The following GNG7 variants were observed in gnomAD, a reference collection of about 807,000 sequenced individuals.
GNG7 encodes G protein subunit gamma 7, also known as guanine nucleotide-binding protein G(I)/G(S)/G(O) subunit gamma-7.
A neutral mutation model predicts 4.0 loss-of-function variants in GNG7; 1 was observed. That is an observed-to-expected ratio of 0.25 (90% CI 0.09 to 1.18). The LOEUF (loss-of-function observed/expected upper bound fraction) is 1.18. GNG7 is among the 50% of genes most tolerant of loss of function. The pLI is 0.50. For synonymous variants in GNG7, 34 were observed against 36.9 expected (o/e 0.92, Z 0.29); for missense variants, 86 against 91.9 (o/e 0.94, Z 0.26).
chr19:2,676,106 G>A (rs772396344), intron 1 of GNG7, among the ~76,000 whole-genome samples: 6 of 152,218 alleles, frequency 3.9e-5, no homozygotes, highest in African/African-American at 9.6e-5. Context: ...GCCCAGGGGC[G>A]CCAAGAACCG....
Position 2,633,487 on chromosome 19 carries a change from G to GCACA in GNG7, c.-78+12733_-78+12736dup, listed in dbSNP as rs796899840. On this transcript the variant is annotated intron_variant, in intron 2 of 4. Coordinates refer to ENST00000382159, the MANE Select transcript of GNG7 (RefSeq NM_052847.3). This position sits in a 1 kb window ranked among gnomAD's most constrained non-coding sequence, Gnocchi z 5.9. Reference sequence around the variant, plus strand: ...TAGCAACAGGCGCGCGCGCGCGCGCGCACACACACACACACACACACACAC... The same window carrying GCACA: ...TAGCAACAGGCGCGCGCGCGCGCGCGCACACACACACACACACACACACACACAC... 0.047 allele frequency among the ~76,000 whole-genome samples: 4,871 copies of GCACA among 103,598 alleles called. 120 individuals carry two copies. The highest frequency in any genetic ancestry group is 0.08 in the East Asian group (301 of 3,764). 68.0% of individuals were successfully genotyped at this position (103,598 alleles called of 152,430 possible).
chr19:2,688,209 C>T (rs937629362), intron 1 of GNG7, among the ~76,000 whole-genome samples: 5 of 152,162 alleles, frequency 3.3e-5, no homozygotes, highest in African/African-American at 7.2e-5. Flanking sequence ...GCCAAGATCG[C>T]GCCACTGCAC....
intron 2 of GNG7, among the ~76,000 whole-genome samples, chr19:2,588,639 G>T (rs926698126): frequency 1.3e-5 from 2 of 152,220 alleles, no homozygotes; most frequent in Admixed American, 6.5e-5. Flanking sequence ...ACCGCCTGCT[G>T]ACGCATCTAA....
chr19:2,593,826 A>G (rs570057429), intron 2 of GNG7, among the ~76,000 whole-genome samples: 19 of 144,982 alleles, frequency 1.3e-4, no homozygotes, highest in African/African-American at 4.6e-4. Context: ...TCTGTGGTCC[A>G]TGCCATTTCC....
In GNG7 at chr19:2,633,158, T is replaced by C. The variant is rs1031137549; in HGVS notation, c.-78+13066A>G. On this transcript the variant is annotated intron_variant, in intron 2 of 4. Coordinates refer to ENST00000382159, the MANE Select transcript of GNG7 (RefSeq NM_052847.3). This position sits in a 1 kb window ranked among gnomAD's most constrained non-coding sequence, Gnocchi z 5.9. ...GGTGGGTGCTGGTTCACTAAAACGA[T>C]GAAGCGGATGGGAGGAAAATTAGCA... Among the ~76,000 whole-genome samples the C allele has an allele frequency of 9.2e-5, 14 of 152,160 alleles. No homozygotes were observed. The highest frequency in any genetic ancestry group is 1.9e-4 in the East Asian group (1 of 5,178).
chr19:2,606,051 G>A (rs942302147), intron 2 of GNG7, among the ~76,000 whole-genome samples: 8 of 152,260 alleles, frequency 5.3e-5, no homozygotes, highest in Admixed American at 2.6e-4. Flanking sequence ...TCCATGCCCC[G>A]CAGTCGGGCA....
rs1238260300 is a variant in GNG7, at chr19:2,546,105, G to A, written c.-38+9044C>T. Among the ~76,000 whole-genome samples, 3 of 152,184 alleles carry A rather than the reference G, an allele frequency of 2.0e-5. No homozygotes were observed. The highest frequency in any genetic ancestry group is 4.8e-5 in the African/African-American group (2 of 41,446). ...GGCAGCTGGGATGCAGGCCCCCCAC[G>A]GCCTGCCATGTTCTCACCAGGACGC... is the stretch of plus-strand genomic sequence containing the variant. On this transcript the variant is annotated intron_variant, in intron 3 of 4. Transcript: ENST00000382159. The surrounding 1 kb of genome is among the most constrained non-coding windows in gnomAD (Gnocchi z 6.3).
chr19:2,675,690 A>G (rs1487177645), intron 1 of GNG7, among the ~76,000 whole-genome samples: 1 of 152,118 alleles, frequency 6.6e-6, no homozygotes, highest in Non-Finnish European at 1.5e-5. Flanking sequence ...TGGGGGTCTC[A>G]ATGGGGCGGG....
At chr19:2,603,383 G>A (rs548676189) in intron 2 of GNG7, among the ~76,000 whole-genome samples, 18 of 152,320 alleles carry the variant, frequency 1.2e-4, no homozygotes, top group Middle Eastern at 6.8e-3. Flanking sequence ...TGTTCTTTCT[G>A]TTCCACAGGC....
chr19:2,648,278 C>T (rs989320654), intron 1 of GNG7, among the ~76,000 whole-genome samples: 2 of 151,830 alleles, frequency 1.3e-5, no homozygotes, highest in Admixed American at 6.6e-5. Context: ...AACCTGTAGT[C>T]CCAGCTACTT....
At chr19:2,673,174 C>T (rs778160499) in intron 1 of GNG7, among the ~76,000 whole-genome samples, 5 of 150,702 alleles carry the variant, frequency 3.3e-5, no homozygotes, top group African/African-American at 4.9e-5. Flanking sequence ...GGAGAATGGC[C>T]GTGAACCCGG....
At position 2,536,646 on chromosome 19, in the gene GNG7, T is replaced by C. The variant is rs561616935; in HGVS notation, c.-37-15921A>G. Reference sequence around the variant, plus strand: ...TATATGTGACAGAGCACAGGAGGCCTGCAGCGAGGTCCCGACAGGGAGGAC... The same window carrying C: ...TATATGTGACAGAGCACAGGAGGCCCGCAGCGAGGTCCCGACAGGGAGGAC... On this transcript the variant is annotated intron_variant, in intron 3 of 4. Coordinates refer to ENST00000382159, the MANE Select transcript of GNG7 (RefSeq NM_052847.3). 8.5e-5 allele frequency among the ~76,000 whole-genome samples: 13 copies of C among 152,328 alleles called. No homozygotes were observed. The East Asian group carries it at 2.3e-3, about 27-fold the overall frequency.
intron 2 of GNG7, among the ~76,000 whole-genome samples, chr19:2,572,451 G>C (rs1384598664): frequency 1.3e-5 from 2 of 150,882 alleles, no homozygotes; most frequent in African/African-American, 4.9e-5. Context: ...TCTTTTTTTT[G>C]AGACGGAGTC....
chr19:2,551,663 T>C (rs1218822799), intron 3 of GNG7, among the ~76,000 whole-genome samples: 1 of 70,632 alleles, frequency 1.4e-5, no homozygotes, highest in Admixed American at 1.9e-4. Flanking sequence ...AAATAAAATA[T>C]ATATTTAAAA....
intron 1 of GNG7, among the ~76,000 whole-genome samples, chr19:2,684,895 G>A (rs372283477): frequency 2.6e-5 from 4 of 152,006 alleles, no homozygotes; most frequent in Non-Finnish European, 2.9e-5. Context: ...AGGCCGAGGC[G>A]GGTGGATCAC....
intron 3 of GNG7, among the ~76,000 whole-genome samples, chr19:2,553,715 A>T (rs1274702077): frequency 6.7e-6 from 1 of 148,674 alleles, no homozygotes; most frequent in Admixed American, 6.8e-5. Flanking sequence ...CATATAATAT[A>T]TTACATATAT....
rs151165793 is a variant in GNG7 at position 2,662,348 on chromosome 19, A to G, written c.-134-16068T>C. ...CCCACACACCAGCTAGCTGTCCCCT[A>G]ATTCGATTCAGTTCAATTCAATTCA... On this transcript the variant is annotated intron_variant, in intron 1 of 4. Coordinates refer to ENST00000382159, the MANE Select transcript of GNG7 (RefSeq NM_052847.3). 2.6e-3 allele frequency among the ~76,000 whole-genome samples: 389 copies of G among 151,552 alleles called. 1 individual carries two copies. Among genetic ancestry groups the G allele is most frequent in the African/African-American group, 8.4e-3 (348 of 41,280 alleles).
intron 2 of GNG7, among the ~76,000 whole-genome samples, chr19:2,644,740 G>T (rs1483883140): frequency 1.3e-5 from 2 of 152,014 alleles, no homozygotes; most frequent in African/African-American, 2.4e-5. Flanking sequence ...TTTTGTGTCT[G>T]GCATCTCTTA....
chr19:2,690,272 C>T (rs550305285), intron 1 of GNG7, among the ~76,000 whole-genome samples: 2 of 152,126 alleles, frequency 1.3e-5, no homozygotes, highest in South Asian at 2.1e-4. Flanking sequence ...ATCCCAGCTA[C>T]CCGGGAGGCT....
Sources: allele counts gnomAD v4.1 joint callset (sites outside exome capture counted in the v4.1 genomes callset), GRCh38; gene constraint gnomAD v4.1.1; non-coding constraint Gnocchi (gnomAD v3.1); transcripts MANE v1.5; gene names NCBI Gene and HGNC (gene_info 2026-07-23, HGNC 2026-07-21).